Variants in SH3KBP1 observed in about 807,000 individuals in gnomAD.
SH3KBP1 encodes the protein SH3 domain-containing kinase-binding protein 1.
In SH3KBP1, 8 loss-of-function variants were observed where a neutral mutation model predicts 50.1. The ratio of observed to expected loss-of-function variants is 0.16; its 90% CI spans 0.09 to 0.29. The LOEUF (loss-of-function observed/expected upper bound fraction) is 0.29. Ranked by LOEUF, SH3KBP1 falls within the 10% of genes least tolerant of loss-of-function variation. The probability of loss-of-function intolerance (pLI) is 1.00; values close to 1 mark genes in which losing one functional copy is unlikely to be tolerated. For missense variants in SH3KBP1, 377 were observed against 535.2 expected (o/e 0.70, Z 2.92); for synonymous variants, 227 against 218.6 (o/e 1.04, Z -0.34).
At chrX:19,662,009 T>C (rs1263481315) in intron 6 of SH3KBP1, among the ~76,000 whole-genome samples, 4 of 111,911 alleles carry the variant, frequency 3.6e-5, no homozygotes, top group Non-Finnish European at 7.5e-5. Context: ...TTGATGTCTT[T>C]CCATAAGGTC....
intron 2 of SH3KBP1, among the ~76,000 whole-genome samples, chrX:19,779,094 G>C (rs1756687073): frequency 9.2e-6 from 1 of 108,924 alleles, no homozygotes; most frequent in Non-Finnish European, 1.9e-5. Flanking sequence ...CCAGGAGTTT[G>C]AGACCAGACT....
rs191956914 is a variant in SH3KBP1, at chrX:19,628,327, C to T, written c.897+3537G>A. ...AGCAGCCAGGGTTGGGTGACAATTC[C>T]TAGAATTATGGGTGCCACTGACAGA... On this transcript the variant is annotated intron_variant, in intron 8 of 17. Coordinates refer to ENST00000397821, the MANE Select transcript of SH3KBP1 (RefSeq NM_031892.3). 4.6e-3 allele frequency among the ~76,000 whole-genome samples: 514 copies of T among 111,554 alleles called. 1 individual carries two copies. Among genetic ancestry groups the T allele is most frequent in the Non-Finnish European group, 7.5e-3 (400 of 53,088 alleles).
chrX:19,757,732 C>T (rs1042850744), intron 2 of SH3KBP1, among the ~76,000 whole-genome samples: 50 of 110,912 alleles, frequency 4.5e-4, no homozygotes, highest in African/African-American at 5.9e-4. Flanking sequence ...ACCTGTCTCC[C>T]GGGCGTGCGT....
intron 4 of SH3KBP1, 77 bp from the exon 5 acceptor site, chrX:19,695,818 T>C: frequency 1.9e-6 from 2 of 1,027,264 alleles, no homozygotes; most frequent in Non-Finnish European, 1.3e-6. Context: ...GCCTCCCATA[T>C]GTATAGTGTA....
chrX:19,620,026 T>C (rs943577373), intron 8 of SH3KBP1, among the ~76,000 whole-genome samples: 4 of 111,845 alleles, frequency 3.6e-5, no homozygotes, highest in Non-Finnish European at 7.5e-5. Context: ...GAGCATCCTA[T>C]AGCTGAGTTT....
chrX:19,744,993 G>A (rs998873582), intron 3 of SH3KBP1, among the ~76,000 whole-genome samples: 4 of 112,346 alleles, frequency 3.6e-5, no homozygotes, highest in East Asian at 2.8e-4. Flanking sequence ...TGCCGTGCCC[G>A]CGGACCCAAG....
At chrX:19,882,162 G>C (rs1418824145) in intron 1 of SH3KBP1, among the ~76,000 whole-genome samples, 1 of 111,633 alleles carries the variant, frequency 9.0e-6, no homozygotes, top group East Asian at 2.8e-4. Flanking sequence ...AGGAGGGACA[G>C]GGCAGTTGAC....
intron 2 of SH3KBP1, among the ~76,000 whole-genome samples, chrX:19,758,859 G>C: frequency 9.0e-6 from 1 of 111,590 alleles, no homozygotes; most frequent in South Asian, 3.7e-4. Context: ...GCCTCATTCA[G>C]TCTTTCACTC....
At chrX:19,666,364 G>C (rs983259748) in intron 6 of SH3KBP1, among the ~76,000 whole-genome samples, 1 of 110,736 alleles carries the variant, frequency 9.0e-6, no homozygotes, top group African/African-American at 3.3e-5. Context: ...AAGCGGATGG[G>C]GCAACATGAA....
chrX:19,643,627 T>C (rs889057369), intron 7 of SH3KBP1, among the ~76,000 whole-genome samples: 2 of 111,141 alleles, frequency 1.8e-5, no homozygotes, highest in Admixed American at 9.6e-5. Context: ...AATAATTCCC[T>C]TTCCTGACCT....
chrX:19,849,454 TGAG>T (rs2068445958), intron 1 of SH3KBP1, among the ~76,000 whole-genome samples: 1 of 110,009 alleles, frequency 9.1e-6, no homozygotes, highest in African/African-American at 3.3e-5. Flanking sequence ...TTCGGGAGGC[TGAG>T]GTGGACGGAT....
Position 19,623,298 on chromosome X carries a change from G to A in SH3KBP1, c.897+8566C>T, listed in dbSNP as rs768654065. 1.1e-4 allele frequency among the ~76,000 whole-genome samples: 12 copies of A among 111,788 alleles called. No homozygotes were observed. In the East Asian group the frequency reaches 2.8e-3, roughly 26 times the overall value. ...GGTATGTGAAGGTGGTAAGGTCACC[G>A]GTAATTTTGATTTTTCTTTGTATTT... On this transcript the variant is annotated intron_variant, in intron 8 of 17. Coordinates refer to ENST00000397821, the MANE Select transcript of SH3KBP1 (RefSeq NM_031892.3).
At chrX:19,759,023 A>ATTTCT (rs1254968739) in intron 2 of SH3KBP1, among the ~76,000 whole-genome samples, 1 of 112,609 alleles carries the variant, frequency 8.9e-6, no homozygotes, top group Non-Finnish European at 1.9e-5. Flanking sequence ...TTTAAATAGA[A>ATTTCT]AAAGAAACAG....
intron 2 of SH3KBP1, among the ~76,000 whole-genome samples, chrX:19,785,247 T>C (rs2066303719): frequency 9.1e-6 from 1 of 109,986 alleles, no homozygotes; most frequent in Non-Finnish European, 1.9e-5. Context: ...CAAGTCAAAG[T>C]ATTTGGTATA....
intron 1 of SH3KBP1, among the ~76,000 whole-genome samples, chrX:19,870,329 C>T (rs972791065): frequency 9.0e-5 from 10 of 110,894 alleles, no homozygotes; most frequent in Non-Finnish European, 1.5e-4. Flanking sequence ...AGAGATGAGT[C>T]CACAACTACA....
chrX:19,614,591 A>T (rs2067549067), intron 8 of SH3KBP1, among the ~76,000 whole-genome samples: 1 of 112,210 alleles, frequency 8.9e-6, no homozygotes, highest in African/African-American at 3.2e-5. Context: ...GAATGGGCAC[A>T]GGAAATCAGT....
chrX:19,588,534 AC>A, intron 12 of SH3KBP1, 108 bp downstream of exon 12: 1 of 1,208,848 alleles, frequency 8.3e-7, no homozygotes, highest in Non-Finnish European at 1.1e-6. Flanking sequence ...AAGCTTGAGC[AC>A]CCCCTTCTCC....
chrX:19,591,436 T>C (rs910145889), intron 11 of SH3KBP1, among the ~76,000 whole-genome samples: 5 of 110,972 alleles, frequency 4.5e-5, no homozygotes, highest in African/African-American at 1.3e-4. Flanking sequence ...ATAAACCTGA[T>C]TGCAGGACAC....
At chrX:19,690,562 A>G (rs758911549) in intron 5 of SH3KBP1, among the ~76,000 whole-genome samples, 21 of 112,591 alleles carry the variant, frequency 1.9e-4, no homozygotes, top group Non-Finnish European at 3.2e-4. Flanking sequence ...GAATTAAAAA[A>G]CAGGGACACT....
Sources: gnomAD v4.1 joint callset for allele counts (sites outside exome capture counted in the v4.1 genomes callset) on GRCh38, gnomAD v4.1.1 for gene constraint, MANE v1.5 for transcripts, NCBI Gene and HGNC (gene_info 2026-07-23, HGNC 2026-07-21) for gene names.